The following GRIP1 variants were observed in gnomAD, a reference collection of about 807,000 sequenced individuals.
GRIP1 encodes the protein glutamate receptor-interacting protein 1.
GRIP1 carries 45 observed loss-of-function variants against 129.9 expected under a neutral mutation model. The observed-to-expected ratio is 0.35, with a 90% CI of 0.27 to 0.44. The LOEUF (loss-of-function observed/expected upper bound fraction) is 0.44, where lower values mean the gene tolerates loss of function less well. GRIP1 is among the 20% of genes least tolerant of loss of function. GRIP1 has a pLI of 1.00. For synonymous variants in GRIP1, 530 were observed against 520.8 expected (o/e 1.02, Z -0.24); for missense variants, 1,196 against 1,396.8 (o/e 0.86, Z 2.29).
chr12:66,489,486 A>G lies in GRIP1; in HGVS notation c.725-24064T>C, dbSNP rs139460590. On this transcript the variant is annotated intron_variant, in intron 7 of 24. Coordinates refer to ENST00000359742, the MANE Select transcript of GRIP1 (RefSeq NM_001366722.1). ...TACATCAAAATAATAAGAGCCATAT[A>G]TGACAAACCCATGGCCAATATCATA... is the stretch of plus-strand genomic sequence containing the variant. 3.2e-3 allele frequency among the ~76,000 whole-genome samples: 493 copies of G among 152,304 alleles called. 4 individuals carry two copies. The highest frequency in any genetic ancestry group is 0.011 in the African/African-American group (455 of 41,566).
chr12:66,746,190 G>A (rs1299959400), intron 1 of GRIP1, among the ~76,000 whole-genome samples: 2 of 151,802 alleles, frequency 1.3e-5, no homozygotes, highest in Non-Finnish European at 2.9e-5. Flanking sequence ...AAATAAAGCT[G>A]CTGAACTGAC....
chr12:66,655,218 T>C (rs2033070788), intron 1 of GRIP1, among the ~76,000 whole-genome samples: 1 of 152,226 alleles, frequency 6.6e-6, no homozygotes. Context: ...GCTGTGCACT[T>C]TTATGCTTTT....
intron 3 of GRIP1, among the ~76,000 whole-genome samples, chr12:66,540,907 T>C (rs1325619391): frequency 6.6e-6 from 1 of 152,158 alleles, no homozygotes; most frequent in Non-Finnish European, 1.5e-5. Flanking sequence ...CAAGTGATTC[T>C]CCTGCCTCAG....
chr12:66,916,863 C>T (rs978919154), intron 1 of GRIP1, among the ~76,000 whole-genome samples: 3 of 152,102 alleles, frequency 2.0e-5, no homozygotes, highest in African/African-American at 7.2e-5. Context: ...GCCTGATATT[C>T]TAAAACAAAA....
rs1477514867 is a variant in GRIP1 at position 67,033,056 on chromosome 12, G to A, written c.58+35994C>T. Among the ~76,000 whole-genome samples, 6 of 151,962 alleles carry A rather than the reference G, an allele frequency of 3.9e-5. No individual in the cohort carries two copies. In the East Asian group the frequency reaches 1.2e-3, roughly 29 times the overall value. ...TTTCAATTTCTTAATAGCAATATGTGGCTAGTAGCAATGGGTATGGGTTGG... is the reference window on the plus strand; with the variant it reads ...TTTCAATTTCTTAATAGCAATATGTAGCTAGTAGCAATGGGTATGGGTTGG... On this transcript the variant is annotated intron_variant, in intron 1 of 1. Transcript: ENST00000643019.
At chr12:66,603,177 C>A (rs1555214914) in intron 1 of GRIP1, among the ~76,000 whole-genome samples, 2 of 95,420 alleles carry the variant, frequency 2.1e-5, no homozygotes, top group Non-Finnish European at 2.3e-5. Context: ...TACTTTTGAA[C>A]TTTGGAAAAA....
intron 1 of GRIP1, among the ~76,000 whole-genome samples, chr12:66,861,586 T>C (rs980700716): frequency 3.9e-5 from 6 of 152,216 alleles, no homozygotes; most frequent in South Asian, 2.1e-4. Flanking sequence ...AAATCCCACA[T>C]GGCCATGGAG....
intron 16 of GRIP1, among the ~76,000 whole-genome samples, chr12:66,395,511 T>C (rs902305569): frequency 6.6e-6 from 1 of 152,226 alleles, no homozygotes; most frequent in Non-Finnish European, 1.5e-5. Context: ...AATTCAATTA[T>C]TTGTGTTTGC....
At chr12:66,896,489 A>AAAACAAAAAAAAAAAC (rs779483048) in intron 1 of GRIP1, among the ~76,000 whole-genome samples, 11,566 of 149,560 alleles carry the variant, frequency 0.077, 767 homozygotes, top group Admixed American at 0.16. Context: ...TGAAAAAAAA[A>AAAACAAAAAAAAAAAC]AAAAAAACTT....
chr12:66,941,130 G>A (rs139084894), intron 1 of GRIP1, among the ~76,000 whole-genome samples: 58 of 151,754 alleles, frequency 3.8e-4, no homozygotes, highest in African/African-American at 1.3e-3. Flanking sequence ...TTAACAACAC[G>A]TTCAATGAGA....
chr12:66,844,428 GAAC>G (rs779062216), intron 1 of GRIP1, among the ~76,000 whole-genome samples: 11 of 152,010 alleles, frequency 7.2e-5, no homozygotes, highest in South Asian at 4.1e-4. Context: ...CTATCAACAA[GAAC>G]AACAACAACA....
At chr12:66,817,588 T>C (rs2039244924) in intron 1 of GRIP1, among the ~76,000 whole-genome samples, 1 of 151,794 alleles carries the variant, frequency 6.6e-6, no homozygotes, top group South Asian at 2.1e-4. Context: ...TTTGTATTTT[T>C]AGTAGAGACG....
chr12:67,016,600 A>T (rs906254698), intron 1 of GRIP1, among the ~76,000 whole-genome samples: 4 of 151,982 alleles, frequency 2.6e-5, no homozygotes, highest in African/African-American at 9.7e-5. Flanking sequence ...CTGTCCCCCC[A>T]CTTTATCTTA....
At chr12:66,531,815 G>C (rs1234230827) in intron 4 of GRIP1, among the ~76,000 whole-genome samples, 1 of 151,980 alleles carries the variant, frequency 6.6e-6, no homozygotes, top group Non-Finnish European at 1.5e-5. Flanking sequence ...TGTTCTCTTG[G>C]TAAGTGAGGA....
intron 1 of GRIP1, among the ~76,000 whole-genome samples, chr12:66,654,540 G>A (rs2033019210): frequency 6.6e-6 from 1 of 152,192 alleles, no homozygotes; most frequent in Non-Finnish European, 1.5e-5. Context: ...GTTGGAGAGA[G>A]AAATGTGCTT....
At chr12:66,471,362 A>C (rs1727588813) in intron 7 of GRIP1, among the ~76,000 whole-genome samples, 1 of 152,170 alleles carries the variant, frequency 6.6e-6, no homozygotes, top group Non-Finnish European at 1.5e-5. Context: ...GTAGAAGTAC[A>C]ATTAGTAGTT....
At chr12:66,426,938 A>T (rs2058005950) in intron 14 of GRIP1, among the ~76,000 whole-genome samples, 1 of 152,170 alleles carries the variant, frequency 6.6e-6, no homozygotes, top group Admixed American at 6.6e-5. Context: ...CTCTCAGTCC[A>T]AAGAACTCTC....
Position 66,394,284 on chromosome 12 carries a change from T to G in GRIP1, c.2053A>C (p.Ile685Leu), listed in dbSNP as rs752069800. The G allele has an allele frequency of 1.2e-6, 2 of 1,613,994 alleles. No individual in the cohort carries two copies. The highest frequency in any genetic ancestry group is 2.2e-5 in the South Asian group (2 of 91,084). Residue 685 changes from isoleucine (I) to leucine (L), a missense_variant, in exon 17 of 25, where the codon ATC becomes CTC. By Grantham distance (5) the Ile-to-Leu change is conservative. Transcript: ENST00000359742. Reference protein sequence around the residue: ...ELKRYGGPLGITISGTEEPFD... With the variant: ...ELKRYGGPLGLTISGTEEPFD... ...GGCTCTTCAGTTCCTGAAATTGTGA[T>G]GCCAAGGGGCCCCCCGTAGCGTTTA...
At chr12:67,051,458 A>C (rs1224287618) in intron 1 of GRIP1, among the ~76,000 whole-genome samples, 1 of 152,186 alleles carries the variant, frequency 6.6e-6, no homozygotes, top group Non-Finnish European at 1.5e-5. Context: ...ATACTCTGGC[A>C]AAAGATTCCG....
Sources: allele counts gnomAD v4.1 joint callset (sites outside exome capture counted in the v4.1 genomes callset), GRCh38; gene constraint gnomAD v4.1.1; transcripts MANE v1.5; gene names NCBI Gene and HGNC (gene_info 2026-07-23, HGNC 2026-07-21).